Variants in SLC38A1 observed in about 807,000 individuals in gnomAD.
SLC38A1 encodes the protein solute carrier family 38 member 1, also known as sodium-coupled neutral amino acid symporter 1.
In SLC38A1, 18 loss-of-function variants were observed where a neutral mutation model predicts 60.3. That is an observed-to-expected ratio of 0.30 (90% CI 0.21 to 0.44). SLC38A1 has a LOEUF of 0.44. Among genes scored for constraint, SLC38A1 ranks in the 20% least tolerant of loss-of-function variants. SLC38A1 has a pLI of 1.00. For missense variants in SLC38A1, 448 were observed against 587.2 expected (o/e 0.76, Z 2.45); for synonymous variants, 196 against 212.1 (o/e 0.92, Z 0.66).
chr12:46,209,355 T>C lies in SLC38A1; in HGVS notation c.315-228A>G, dbSNP rs76881992. On this transcript the variant is annotated intron_variant, in intron 5 of 16. Transcript: ENST00000398637. The stretch of plus-strand genomic sequence containing the variant: ...GTAACAGTTCAAATCCTTTATGTAA[T>C]TCGAAGCCCAAATAGCTCTCTGGGA... 4.9e-4 allele frequency among the ~76,000 whole-genome samples: 75 copies of C among 152,340 alleles called. No individual in the cohort carries two copies. The East Asian group carries it at 0.013, about 27-fold the overall frequency.
At position 46,186,179 on chromosome 12, in the gene SLC38A1, T is replaced by C. The variant is rs1938930869; in HGVS notation, c.*2791A>G. On this transcript the variant is annotated 3_prime_UTR_variant, in exon 17 of 17. Coordinates refer to ENST00000398637, the MANE Select transcript of SLC38A1 (RefSeq NM_030674.4). ...TTTGGAATATGATCTCCTTATACAC[T>C]GGGGCTGCCTGTGCCTAAACACAGT... 1.3e-5 allele frequency: 2 copies of C among 152,174 alleles called. No individual in the cohort carries two copies. Among genetic ancestry groups the C allele is most frequent in the African/African-American group, 4.8e-5 (2 of 41,438 alleles). The allele number at this position is 152,174 out of a possible 1,614,324, so 9.4% of individuals were successfully genotyped here. A position where few individuals can be genotyped will look rare whatever the true frequency, so the allele number is the denominator to read the frequency against.
intron 1 of SLC38A1, among the ~76,000 whole-genome samples, chr12:46,246,544 C>T (rs1161703784): frequency 1.3e-5 from 2 of 152,256 alleles, no homozygotes; most frequent in African/African-American, 2.4e-5. Flanking sequence ...CGGAGCAAGG[C>T]TTGCTGTCTC....
intron 1 of SLC38A1, among the ~76,000 whole-genome samples, chr12:46,250,483 G>C (rs796726474): frequency 7.9e-5 from 12 of 152,156 alleles, no homozygotes; most frequent in African/African-American, 2.9e-4. Context: ...GGAAGTTCTG[G>C]CCAGGGCAAT....
chr12:46,197,651 G>T, intron 16 of SLC38A1, 69 bp downstream of exon 16: 1 of 995,834 alleles, frequency 1.0e-6, no homozygotes, highest in Non-Finnish European at 1.6e-6. Context: ...TAGAGAGGTG[G>T]ACTATTTATT....
At chr12:46,195,286 T>C (rs1289707623) in intron 16 of SLC38A1, among the ~76,000 whole-genome samples, 1 of 152,194 alleles carries the variant, frequency 6.6e-6, no homozygotes, top group African/African-American at 2.4e-5. Context: ...ATAGCAAATA[T>C]TGCTGCCTGA....
rs190879464 is a variant in SLC38A1, at chr12:46,195,698, C to T, written c.1362+2022G>A. The T allele has an allele frequency of 2.7e-3, 455 of 166,154 alleles. 3 individuals are homozygous for T. Among genetic ancestry groups the T allele is most frequent in the African/African-American group, 0.01 (429 of 41,956 alleles). The allele number at this position is 166,154 out of a possible 1,614,324, so 10.3% of individuals were successfully genotyped here. A position where few individuals can be genotyped will look rare whatever the true frequency, so the allele number is the denominator to read the frequency against. On this transcript the variant is annotated intron_variant, in intron 16 of 16. Transcript: ENST00000398637. ...TGCATCAAGCTGCAGCGTCGCAGGTCGATCTTAGACTGTTGCGCTAGCAGT... is the reference window on the plus strand; with the variant it reads ...TGCATCAAGCTGCAGCGTCGCAGGTTGATCTTAGACTGTTGCGCTAGCAGT...
In SLC38A1 at chr12:46,268,898, G is replaced by A. The variant is rs969839426; in HGVS notation, c.-581C>T. On this transcript the variant is annotated 5_prime_UTR_variant, in exon 1 of 17. Coordinates refer to ENST00000398637, the MANE Select transcript of SLC38A1 (RefSeq NM_030674.4). The surrounding 1 kb of genome is among the most constrained non-coding windows in gnomAD (Gnocchi z 4.4). ...GCACCGGCGCTGAGGGTCACGAATC[G>A]GAGTCATTCTCCTACTGGGGGACGC... 4.4e-6 allele frequency: 2 copies of A among 455,726 alleles called. No homozygotes were observed. Among genetic ancestry groups the A allele is most frequent in the Non-Finnish European group, 8.8e-6 (2 of 226,416 alleles). 28.2% of individuals were successfully genotyped at this position (455,726 alleles called of 1,614,324 possible). A position where few individuals can be genotyped will look rare whatever the true frequency, so the allele number is the denominator to read the frequency against.
intron 13 of SLC38A1, 105 bp downstream of exon 13, chr12:46,200,993 G>A: frequency 3.7e-6 from 3 of 808,938 alleles, no homozygotes; most frequent in South Asian, 3.3e-5. Context: ...CCAATGGATA[G>A]CTTTGTTGCT....
In SLC38A1 at chr12:46,215,041, G is replaced by C. The variant is rs370099757; in HGVS notation, c.315-5914C>G. Among the ~76,000 whole-genome samples the C allele has an allele frequency of 4.6e-5, 7 of 152,324 alleles. No individual in the cohort carries two copies. In the South Asian group the frequency reaches 1.4e-3, roughly 32 times the overall value. ...TGCAAATTAGGATCTTGTTAAAATG[G>C]ATGGGTCGGGACCTGAGATTCAGCA... On this transcript the variant is annotated intron_variant, in intron 5 of 16. Transcript: ENST00000398637.
chr12:46,254,032 T>C (rs1235106152), intron 1 of SLC38A1, among the ~76,000 whole-genome samples: 1 of 152,230 alleles, frequency 6.6e-6, no homozygotes, highest in African/African-American at 2.4e-5. Flanking sequence ...CTTATGCCTA[T>C]ACAGAGTGCC....
intron 5 of SLC38A1, among the ~76,000 whole-genome samples, chr12:46,227,699 G>T (rs982748903): frequency 2.6e-5 from 4 of 152,180 alleles, no homozygotes; most frequent in African/African-American, 9.7e-5. Flanking sequence ...CATATTCCCA[G>T]CTTTGGAATG....
At chr12:46,231,115 C>CA (rs1377403946) in intron 3 of SLC38A1, among the ~76,000 whole-genome samples, 1 of 106,434 alleles carries the variant, frequency 9.4e-6, no homozygotes, top group Non-Finnish European at 2.2e-5. Flanking sequence ...AATACTATGT[C>CA]ACCATAACAA....
At chr12:46,203,150 T>A (rs1939737502) in intron 11 of SLC38A1, 61 bp from the exon 12 acceptor site, 13 of 1,349,430 alleles carry the variant, frequency 9.6e-6, no homozygotes, top group African/African-American at 1.4e-5. Context: ...AGGACATAGC[T>A]CCAGTATTTC....
intron 1 of SLC38A1, among the ~76,000 whole-genome samples, chr12:46,249,373 A>G (rs1032082277): frequency 6.6e-6 from 1 of 152,174 alleles, no homozygotes; most frequent in Non-Finnish European, 1.5e-5. Flanking sequence ...AATGCCCACA[A>G]GAGAAAGCAG....
intron 1 of SLC38A1, among the ~76,000 whole-genome samples, chr12:46,251,730 G>A (rs10880944): frequency 0.6 from 91,366 of 151,816 alleles, 27,707 homozygotes; most frequent in East Asian, 0.77. Context: ...CAGACACATG[G>A]AAAAAATGCT....
At chr12:46,213,512 A>T (rs533241494) in intron 5 of SLC38A1, among the ~76,000 whole-genome samples, 1 of 152,226 alleles carries the variant, frequency 6.6e-6, no homozygotes, top group Non-Finnish European at 1.5e-5. Context: ...ATAGAACAAG[A>T]CCATCTGGAA....
intron 3 of SLC38A1, chr12:46,239,332 T>C (rs1941362738): frequency 6.5e-6 from 1 of 154,082 alleles, no homozygotes; most frequent in Admixed American, 6.5e-5. Flanking sequence ...TTACTTTTTT[T>C]TTTTTTTTCT....
intron 5 of SLC38A1, among the ~76,000 whole-genome samples, chr12:46,218,683 T>C (rs11183401): frequency 0.18 from 27,726 of 152,056 alleles, 4,274 homozygotes; most frequent in East Asian, 0.46. Context: ...GAGTAAGTCA[T>C]GCAGAGTCAG....
chr12:46,225,174 C>T (rs1201320678), intron 5 of SLC38A1, among the ~76,000 whole-genome samples: 3 of 152,102 alleles, frequency 2.0e-5, no homozygotes, highest in Non-Finnish European at 2.9e-5. Context: ...AAAGCCAAGA[C>T]CAACTCAGTT....
Sources: gnomAD v4.1 joint callset for allele counts (sites outside exome capture counted in the v4.1 genomes callset) on GRCh38, gnomAD v4.1.1 for gene constraint, Gnocchi (gnomAD v3.1) non-coding constraint, MANE v1.5 for transcripts, NCBI Gene and HGNC (gene_info 2026-07-23, HGNC 2026-07-21) for gene names.